Variants in CADM1 observed in about 807,000 individuals in gnomAD.
CADM1 encodes TSLC-1.
In CADM1, 15 loss-of-function variants were observed where a neutral mutation model predicts 53.1. That is an observed-to-expected ratio of 0.28 (90% CI 0.19 to 0.44). The LOEUF is 0.44. CADM1 is among the 20% of genes least tolerant of loss of function. The probability of loss-of-function intolerance (pLI) is 1.00; values close to 1 mark genes in which losing one functional copy is unlikely to be tolerated. For synonymous variants in CADM1, 281 were observed against 243.0 expected, an observed-to-expected ratio of 1.16 and a Z score of -1.45; for missense variants, 434 against 611.3, an observed-to-expected ratio of 0.71 and a Z score of 3.06.
At chr11:115,194,162 C>A (rs1940034622) in intron 9 of CADM1, 2 of 152,162 alleles carry the variant, frequency 1.3e-5, no homozygotes, top group Admixed American at 1.3e-4. Flanking sequence ...TGAATGACAG[C>A]CTTTGAATGC....
intron 1 of CADM1, among the ~76,000 whole-genome samples, chr11:115,310,502 G>T (rs1489590448): frequency 1.3e-5 from 2 of 152,012 alleles, no homozygotes; most frequent in South Asian, 2.1e-4. Context: ...TGTATGGGGG[G>T]GTGGAGAAAA....
intron 1 of CADM1, among the ~76,000 whole-genome samples, chr11:115,460,958 A>G (rs1211550106): frequency 6.6e-6 from 1 of 152,174 alleles, no homozygotes; most frequent in Admixed American, 6.5e-5. Flanking sequence ...CTAAATAGAA[A>G]GGCTCCAAAA....
At chr11:115,252,365 C>T (rs1329547046) in intron 1 of CADM1, among the ~76,000 whole-genome samples, 1 of 152,152 alleles carries the variant, frequency 6.6e-6, no homozygotes, top group African/African-American at 2.4e-5. Context: ...CACTCTCTGT[C>T]TATTTTATTA....
intron 4 of CADM1, 32 bp downstream of exon 4, chr11:115,231,317 GCTAA>G (rs1288378371): frequency 1.2e-5 from 19 of 1,611,794 alleles, no homozygotes; most frequent in Non-Finnish European, 1.6e-5. Flanking sequence ...GCTAGAATCA[GCTAA>G]CTACTTCAGT....
chr11:115,353,735 TCA>T (rs370821448), intron 1 of CADM1, among the ~76,000 whole-genome samples: 202 of 152,262 alleles, frequency 1.3e-3, no homozygotes, highest in African/African-American at 4.5e-3. Context: ...GGAGTGGTAT[TCA>T]GATTCTCATT....
At chr11:115,205,806 C>T (rs1444494215) in intron 8 of CADM1, among the ~76,000 whole-genome samples, 2 of 152,152 alleles carry the variant, frequency 1.3e-5, no homozygotes, top group Non-Finnish European at 2.9e-5. Flanking sequence ...CTCTGAATGG[C>T]TCCCAATCTA....
At chr11:115,268,032 G>A (rs1049716066) in intron 1 of CADM1, among the ~76,000 whole-genome samples, 2 of 152,172 alleles carry the variant, frequency 1.3e-5, no homozygotes, top group African/African-American at 2.4e-5. Context: ...ACAGCTGCTC[G>A]CTTCTGCTGA....
chr11:115,308,141 CTGTGTGTGTG>C lies in CADM1; in HGVS notation c.125-67731_125-67722del, dbSNP rs199736406. ...CCTGTAAAAGACACAAACTCTCTCT[CTGTGTGTGTG>C]TGTGTGTGTGTGTGTGTGTGTGTGT... is the stretch of plus-strand genomic sequence containing the variant. On this transcript the variant is annotated intron_variant, in intron 1 of 11. Transcript: ENST00000331581. 2.1e-3 allele frequency among the ~76,000 whole-genome samples: 274 copies of C among 133,478 alleles called. 6 individuals are homozygous for C. In the East Asian group the frequency reaches 0.038, roughly 18 times the overall value. 87.6% of individuals were successfully genotyped at this position (133,478 alleles called of 152,430 possible). A position where few individuals can be genotyped will look rare whatever the true frequency, so the allele number is the denominator to read the frequency against.
intron 1 of CADM1, among the ~76,000 whole-genome samples, chr11:115,294,811 G>T (rs1391912415): frequency 1.3e-5 from 2 of 152,160 alleles, no homozygotes; most frequent in African/African-American, 4.8e-5. Context: ...GAGGTGGGTG[G>T]ATCATCTGAT....
intron 6 of CADM1, 123 bp from the exon 7 acceptor site, chr11:115,214,903 T>C: frequency 9.6e-7 from 1 of 1,039,020 alleles, no homozygotes; most frequent in Non-Finnish European, 1.5e-6. Flanking sequence ...GTTCACAGAA[T>C]TACAACTGTG....
chr11:115,306,070 T>TA (rs749114203), intron 1 of CADM1, among the ~76,000 whole-genome samples: 651 of 5,546 alleles, frequency 0.12, 14 homozygotes, highest in South Asian at 0.21. Flanking sequence ...AGAGGATATA[T>TA]ACCACACACA....
chr11:115,253,325 CTTTGAGAAAGCTAT>C (rs1414956730), intron 1 of CADM1, among the ~76,000 whole-genome samples: 1 of 152,150 alleles, frequency 6.6e-6, no homozygotes, highest in East Asian at 1.9e-4. Flanking sequence ...AGTGCATGAG[CTTTGAGAAAGCTAT>C]CAGGTATTGA....
chr11:115,450,114 T>C (rs1948539429), intron 1 of CADM1, among the ~76,000 whole-genome samples: 4 of 152,128 alleles, frequency 2.6e-5, no homozygotes. Context: ...GAATCAGGCA[T>C]AGTGATTCTG....
intron 1 of CADM1, among the ~76,000 whole-genome samples, chr11:115,404,346 AATATATATATAT>A (rs869231204): frequency 1.3e-3 from 44 of 33,716 alleles, no homozygotes; most frequent in South Asian, 6.8e-3. Flanking sequence ...AAAAAAAAAA[AATATATATATAT>A]ATATATATAT....
At chr11:115,385,043 C>A (rs1001461345) in intron 1 of CADM1, among the ~76,000 whole-genome samples, 2 of 152,098 alleles carry the variant, frequency 1.3e-5, no homozygotes, top group Non-Finnish European at 2.9e-5. Context: ...ATGGATCACT[C>A]GCCTCCCTAT....
intron 1 of CADM1, among the ~76,000 whole-genome samples, chr11:115,483,886 T>C (rs1949311170): frequency 1.3e-5 from 2 of 152,178 alleles, no homozygotes; most frequent in South Asian, 4.1e-4. Context: ...ACAGCACAGA[T>C]ATGGACTATT....
chr11:115,436,298 TTTTTA>T (rs1160216007), intron 1 of CADM1, among the ~76,000 whole-genome samples: 19 of 152,340 alleles, frequency 1.2e-4, no homozygotes, highest in African/African-American at 4.6e-4. Flanking sequence ...TAAGATTTTA[TTTTTA>T]TTTAAGAAAA....
rs56789298 is a variant in CADM1 at position 115,175,375 on chromosome 11, G to GAAA, written c.*1096_*1098dup. On this transcript the variant is annotated 3_prime_UTR_variant, in exon 12 of 12. Coordinates refer to ENST00000331581, the MANE Select transcript of CADM1 (RefSeq NM_001301043.2). ...ACTGCCTTCCTAACTAAGCACAAAG[G>GAAA]AAAAAAAAAAAAAAATCAACTCTGT... 7 of 912,760 alleles carry GAAA rather than the reference G, an allele frequency of 7.7e-6. No individual in the cohort carries two copies. Among genetic ancestry groups the GAAA allele is most frequent in the South Asian group, 5.1e-5 (1 of 19,618 alleles). The allele number at this position is 912,760 out of a possible 1,614,324, so 56.5% of individuals were successfully genotyped here. A position where few individuals can be genotyped will look rare whatever the true frequency, so the allele number is the denominator to read the frequency against.
intron 1 of CADM1, among the ~76,000 whole-genome samples, chr11:115,387,796 A>G (rs1946736465): frequency 6.6e-6 from 1 of 152,086 alleles, no homozygotes. Context: ...ATGTGTGTGT[A>G]TATTATTTTT....
Sources: gnomAD v4.1 joint callset for allele counts (sites outside exome capture counted in the v4.1 genomes callset) on GRCh38, gnomAD v4.1.1 for gene constraint, MANE v1.5 for transcripts, NCBI Gene and HGNC (gene_info 2026-07-23, HGNC 2026-07-21) for gene names.